The following AHNAK2 variants were observed in gnomAD, a reference collection of about 807,000 sequenced individuals.
AHNAK2 encodes the protein protein AHNAK2.
Under a neutral mutation model 30.7 loss-of-function variants are expected in AHNAK2, and 18 were observed. The ratio of observed to expected loss-of-function variants is 0.59; its 90% CI spans 0.41 to 0.87. The LOEUF (loss-of-function observed/expected upper bound fraction) is 0.87. Among genes scored for constraint, AHNAK2 ranks in the 40% least tolerant of loss-of-function variants. The probability of loss-of-function intolerance (pLI) is 0.00; values close to 1 mark genes in which losing one functional copy is unlikely to be tolerated. For synonymous variants in AHNAK2, 3,590 were observed against 3,073.8 expected (o/e 1.17, Z -5.56); for missense variants, 8,604 against 7,373.0 (o/e 1.17, Z -6.11).
intron 1 of AHNAK2, among the ~76,000 whole-genome samples, chr14:104,959,117 T>A (rs1473645020): frequency 6.6e-6 from 1 of 152,202 alleles, no homozygotes; most frequent in Non-Finnish European, 1.5e-5. Flanking sequence ...CGAGGATTGC[T>A]TGAGCCCAGA....
In AHNAK2 at chr14:104,947,921, C is replaced by T. The variant is rs769325878; in HGVS notation, c.7530G>A (p.Ala2510=). The T allele has an allele frequency of 1.3e-4, 209 of 1,612,584 alleles. 3 individuals carry two copies. Among genetic ancestry groups the T allele is most frequent in the East Asian group, 1.2e-3 (53 of 44,770 alleles). Residue 2510 remains alanine, a synonymous_variant, in exon 7 of 7, where the codon GCG becomes GCA. Coordinates refer to ENST00000333244, the MANE Select transcript of AHNAK2 (RefSeq NM_138420.4). Reference sequence around the variant, plus strand: ...GGCTCCCGTCGGCCTCCACCTTCGGCGCAGACACATCCACCGAGGCCTCGA... The same window carrying T: ...GGCTCCCGTCGGCCTCCACCTTCGGTGCAGACACATCCACCGAGGCCTCGA... The part of the protein sequence containing the change: ...KSIEASVDVS[A]PKVEADGSLS...
chr14:104,967,648 A>G (rs963148400), intron 1 of AHNAK2, among the ~76,000 whole-genome samples: 3 of 152,052 alleles, frequency 2.0e-5, no homozygotes, highest in Non-Finnish European at 4.4e-5. Flanking sequence ...TGTAGTGGGG[A>G]TGGAGTGCAG....
In AHNAK2 at chr14:104,948,779, GC is replaced by G; in HGVS notation, c.6671del (p.Gly2224AlafsTer33). Reference sequence around the variant, plus strand: ...TGAGGCCGACTTCCTCGGGCACAGGGCCCTCCAGGAGTTTCACGTCCACCTG... The same window carrying G: ...TGAGGCCGACTTCCTCGGGCACAGGGCCTCCAGGAGTTTCACGTCCACCTG... ...AGQVDVKLLE[G>X]PVPEEVGLKG... On this transcript the variant is annotated frameshift_variant, in exon 7 of 7. Coordinates refer to ENST00000333244, the MANE Select transcript of AHNAK2 (RefSeq NM_138420.4). LOFTEE classifies it low-confidence loss of function (END_TRUNC). The G allele has an allele frequency of 6.2e-7, 1 of 1,612,312 alleles. No individual in the cohort carries two copies. Among genetic ancestry groups the G allele is most frequent in the Non-Finnish European group, 8.5e-7 (1 of 1,179,624 alleles).
intron 1 of AHNAK2, among the ~76,000 whole-genome samples, chr14:104,967,720 T>C (rs10138859): frequency 0.17 from 25,082 of 151,872 alleles, 3,804 homozygotes; most frequent in East Asian, 0.54. Flanking sequence ...ACCCCTCCAG[T>C]CACTGGGCTG....
intron 1 of AHNAK2, among the ~76,000 whole-genome samples, chr14:104,972,056 C>T (rs1389888558): frequency 1.1e-4 from 17 of 152,226 alleles, no homozygotes; most frequent in Admixed American, 7.2e-4. Context: ...GAGAAGGGGT[C>T]CTCAAGTAGG....
Position 104,944,950 on chromosome 14 carries a change from G to A in AHNAK2, c.10501C>T (p.Pro3501Ser), listed in dbSNP as rs191245680. The A allele has an allele frequency of 2.3e-3, 3,767 of 1,613,202 alleles. 122 individuals are homozygous for A. The Admixed American group carries it at 0.058, about 25-fold the overall frequency. The change falls in exon 7 of 7, where the codon CCG (proline) becomes TCG (serine). Residue 3501 changes from proline to serine, a missense_variant. Physicochemically the swap from Pro to Ser is moderately conservative, Grantham distance 74 (BLOSUM62 -1). Coordinates refer to ENST00000333244, the MANE Select transcript of AHNAK2 (RefSeq NM_138420.4). ...AGGCTCACGTCGGCCTCCACCTTCG[G>A]CGCAGACACATCCAGCGAGGCCTCG... ...SIEASLDVSA[P>S]KVEADVSLSS...
intron 1 of AHNAK2, among the ~76,000 whole-genome samples, chr14:104,967,206 C>T (rs1277532676): frequency 6.6e-6 from 1 of 152,224 alleles, no homozygotes; most frequent in Non-Finnish European, 1.5e-5. Flanking sequence ...CCCTCCGCAG[C>T]CTCCCCAGCC....
At position 104,951,290 on chromosome 14, in the gene AHNAK2, G is replaced by A. The variant is rs1898690537; in HGVS notation, c.4161C>T (p.Leu1387=). 1.0e-5 allele frequency: 11 copies of A among 1,061,544 alleles called. 4 individuals carry two copies. Among genetic ancestry groups the A allele is most frequent in the African/African-American group, 1.4e-5 (1 of 69,022 alleles). The allele number at this position is 1,061,544 out of a possible 1,614,324, so 65.8% of individuals were successfully genotyped here. Residue 1387 remains leucine, a synonymous_variant, in exon 7 of 7, where the codon CTC becomes CTT. Coordinates refer to ENST00000333244, the MANE Select transcript of AHNAK2 (RefSeq NM_138420.4). Reference sequence around the variant, plus strand: ...GTTTCACGTCCAATTGGCCAGCCTGGAGCTCCAGGTCAGTGGAAGGGGGCT... The same window carrying A: ...GTTTCACGTCCAATTGGCCAGCCTGAAGCTCCAGGTCAGTGGAAGGGGGCT... ...SIQPPSTDLE[L]QAGQLDVKLP...
rs370970288 is a variant in AHNAK2 at position 104,946,916 on chromosome 14, A to G, written c.8535T>C (p.Ala2845=). 2,402 of 1,610,166 alleles carry G rather than the reference A, an allele frequency of 1.5e-3. 59 individuals carry two copies. In the African/African-American group the frequency reaches 0.023, roughly 15 times the overall value. ...SVDVSELKVE[A]DGSFPSMQGD... ...CTTGCATGGAGGGGAAGCTCCCGTC[A>G]GCTTCCACCTTCAGCTCAGACACAT... Residue 2845 remains alanine (A), a synonymous_variant, in exon 7 of 7, where the codon GCT becomes GCC. Transcript: ENST00000333244.
chr14:104,956,659 CA>C lies in AHNAK2; in HGVS notation c.243del (p.Arg83AspfsTer19). On this transcript the variant is annotated frameshift_variant, in exon 4 of 7. Transcript: ENST00000333244. LOFTEE classifies it high-confidence loss of function. ...QEDAPGRQGS[A>X]GRRRSWWKRD... ...CGCTTCCACCAGGATCTCCGTCTCCCAGCAGAACCTTGCCTGCCGGGGGCGT... is the reference window on the plus strand; with the variant it reads ...CGCTTCCACCAGGATCTCCGTCTCCCGCAGAACCTTGCCTGCCGGGGGCGT... 2 of 1,613,888 alleles carry C rather than the reference CA, an allele frequency of 1.2e-6. No individual in the cohort carries two copies. The highest frequency in any genetic ancestry group is 8.5e-7 in the Non-Finnish European group (1 of 1,179,886).
rs762171633 is a variant in AHNAK2, at chr14:104,952,398, T to C, written c.3053A>G (p.Lys1018Arg). The C allele has an allele frequency of 6.2e-6, 10 of 1,612,578 alleles. No homozygotes were observed. In the Admixed American group the frequency reaches 1.3e-4, roughly 22 times the overall value. Residue 1018 changes from lysine to arginine, a missense_variant, in exon 7 of 7, where the codon AAG becomes AGG. Transcript: ENST00000333244. ...GGGTGCAGACACATCCACCAAGGCC[T>C]TGATGGACTTCCCTGGGGCCGATAC... ...FGVSAPGKSI[K>R]ALVDVSAPKV...
intron 1 of AHNAK2, among the ~76,000 whole-genome samples, chr14:104,971,100 C>T (rs1430489966): frequency 1.3e-5 from 2 of 152,116 alleles, no homozygotes; most frequent in South Asian, 2.1e-4. Flanking sequence ...ATCTGGTAAG[C>T]AGGGTGCGGT....
Position 104,944,766 on chromosome 14 carries a change from G to T in AHNAK2, c.10685C>A (p.Pro3562His), listed in dbSNP as rs372078377. 7 of 1,611,968 alleles carry T rather than the reference G, an allele frequency of 4.3e-6. No individual in the cohort carries two copies. The highest frequency in any genetic ancestry group is 1.1e-5 in the South Asian group (1 of 90,868). The change falls in exon 7 of 7, where the codon CCC becomes CAC. Residue 3562 changes from proline (P) to histidine (H), a missense_variant. Pro to His is a moderately conservative substitution (Grantham distance 77, BLOSUM62 -2). Transcript: ENST00000333244. ...GTCCACTTTGGGCGTCTTTAAACTG[G>T]GCATCTCCACTTTGGGCAGGTGCCC... ...LKGHLPKVEM[P>H]SLKTPKVDLK...
Position 104,940,600 on chromosome 14 carries a change from TC to T in AHNAK2, c.14850del (p.Ser4951ValfsTer3). 6.2e-7 allele frequency: 1 copy of T among 1,613,708 alleles called. No individual in the cohort carries two copies. Among genetic ancestry groups the T allele is most frequent in the South Asian group, 1.1e-5 (1 of 91,074 alleles). On this transcript the variant is annotated frameshift_variant, in exon 7 of 7. Coordinates refer to ENST00000333244, the MANE Select transcript of AHNAK2 (RefSeq NM_138420.4). LOFTEE classifies it low-confidence loss of function (END_TRUNC). The surrounding 1 kb of genome is among the most constrained non-coding windows in gnomAD (Gnocchi z 4.4). ...PSEDADHEGK[G>X]SPLKMPKIKL... ...TTAATCTTAGGCATTTTCAAGGGAC[TC>T]CCTTTCCCTTCGTGGTCAGCATCTT... is the stretch of plus-strand genomic sequence containing the variant.
Position 104,950,929 on chromosome 14 carries a change from G to C in AHNAK2, c.4522C>G (p.Pro1508Ala), listed in dbSNP as rs1328776836. 1 of 1,552,786 alleles carries C rather than the reference G, an allele frequency of 6.4e-7. No individual in the cohort carries two copies. The highest frequency in any genetic ancestry group is 8.8e-7 in the Non-Finnish European group (1 of 1,138,918). The change falls in exon 7 of 7, where the codon CCA (proline) becomes GCA (alanine). Residue 1508 changes from proline to alanine, a missense_variant. Transcript: ENST00000333244. Reference protein sequence around the residue: ...FKMPSFGVSAPGKSIEASVDV... With the variant: ...FKMPSFGVSAAGKSIEASVDV... ...ACTGAGGCCTCGATGGACTTGCCTG[G>C]GGCAGACACCCCGAACGACGGCATC...
chr14:104,968,120 A>G (rs1056194491), intron 1 of AHNAK2, among the ~76,000 whole-genome samples: 4 of 152,110 alleles, frequency 2.6e-5, no homozygotes, highest in Middle Eastern at 3.2e-3. Flanking sequence ...TCCTTCCCCA[A>G]TGCCCTTCCC....
rs767505468 is a variant in AHNAK2 at position 104,951,926 on chromosome 14, C to G, written c.3525G>C (p.Ala1175=). Residue 1175 remains alanine, a synonymous_variant, in exon 7 of 7, where the codon GCG becomes GCC. Coordinates refer to ENST00000333244, the MANE Select transcript of AHNAK2 (RefSeq NM_138420.4). The part of the protein sequence containing the change: ...MPKFKMPSFG[A]SAPGKSIEAS... ...CCTCGATGGACTTGCCTGGGGCTGA[C>G]GCCCCGAACGATGGCATCTTGAACT... 4 of 1,608,584 alleles carry G rather than the reference C, an allele frequency of 2.5e-6. No homozygotes were observed. The highest frequency in any genetic ancestry group is 2.5e-6 in the Non-Finnish European group (3 of 1,178,018).
chr14:104,940,795 C>G lies in AHNAK2; in HGVS notation c.14656G>C (p.Ala4886Pro). Residue 4886 changes from alanine to proline, a missense_variant, in exon 7 of 7, where the codon GCA becomes CCA. Physicochemically the swap from Ala to Pro is conservative, Grantham distance 27 (BLOSUM62 -1). Coordinates refer to ENST00000333244, the MANE Select transcript of AHNAK2 (RefSeq NM_138420.4). This position sits in a 1 kb window ranked among gnomAD's most constrained non-coding sequence, Gnocchi z 4.4. ...QMAVPEGDLH[A>P]AVGAPVMSPL... The stretch of plus-strand genomic sequence containing the variant: ...GACATGACTGGGGCACCCACTGCTG[C>G]ATGTAGGTCTCCCTCAGGAACTGCC... The G allele has an allele frequency of 6.2e-7, 1 of 1,613,046 alleles. No homozygotes were observed. The highest frequency in any genetic ancestry group is 8.5e-7 in the Non-Finnish European group (1 of 1,179,900).
Position 104,954,831 on chromosome 14 carries a change from C to A in AHNAK2, c.652-32G>T. ...CATAGGGAGAGGGAATCTGTTGGTGCCAGTCCAAGAAGCCTGGGGCCCTGG... is the reference window on the plus strand; with the variant it reads ...CATAGGGAGAGGGAATCTGTTGGTGACAGTCCAAGAAGCCTGGGGCCCTGG... On this transcript the variant is annotated intron_variant, in intron 6 of 6. Coordinates refer to ENST00000333244, the MANE Select transcript of AHNAK2 (RefSeq NM_138420.4). This position sits in a 1 kb window ranked among gnomAD's most constrained non-coding sequence, Gnocchi z 4.3. 1 of 1,541,962 alleles carries A rather than the reference C, an allele frequency of 6.5e-7. No homozygotes were observed. The highest frequency in any genetic ancestry group is 8.7e-7 in the Non-Finnish European group (1 of 1,147,010).
Sources: gnomAD v4.1 joint callset for allele counts (sites outside exome capture counted in the v4.1 genomes callset) on GRCh38, gnomAD v4.1.1 for gene constraint, Gnocchi (gnomAD v3.1) non-coding constraint, MANE v1.5 for transcripts, NCBI Gene and HGNC (gene_info 2026-07-23, HGNC 2026-07-21) for gene names.